Variants in ASAH1 observed in about 807,000 individuals in gnomAD.
ASAH1 encodes the protein N-acylsphingosine amidohydrolase 1.
A neutral mutation model predicts 59.5 loss-of-function variants in ASAH1; 70 were observed. That is an observed-to-expected ratio of 1.18 (90% confidence interval 0.97 to 1.43). The LOEUF is 1.43. Ranked by LOEUF, ASAH1 falls within the 40% of genes most tolerant of loss-of-function variation. The pLI, the probability that ASAH1 is intolerant of heterozygous loss-of-function variation, is 0.00. For missense variants in ASAH1, 660 were observed against 482.5 expected (o/e 1.37, Z -3.45); for synonymous variants, 213 against 166.5 (o/e 1.28, Z -2.15).
chr8:18,061,133 A>G, intron 10 of ASAH1: 1 of 371,160 alleles, frequency 2.7e-6, no homozygotes, highest in Non-Finnish European at 5.0e-6. Flanking sequence ...CACCAAAAAT[A>G]TTCATAGGTG....
chr8:18,069,544 G>A, intron 4 of ASAH1: 3 of 416,334 alleles, frequency 7.2e-6, no homozygotes, highest in Non-Finnish European at 1.3e-5. Context: ...ACTCCCAGAT[G>A]AAATATGGTT....
chr8:18,081,496 A>G (rs1357939935), intron 1 of ASAH1, among the ~76,000 whole-genome samples: 1 of 152,230 alleles, frequency 6.6e-6, no homozygotes, highest in Non-Finnish European at 1.5e-5. Context: ...ATCCTTAATA[A>G]GAGTCTACAG....
chr8:18,062,517 T>C, intron 7 of ASAH1, 94 bp from the exon 8 acceptor site: 2 of 1,360,416 alleles, frequency 1.5e-6, no homozygotes, highest in South Asian at 1.2e-5. Flanking sequence ...AGGAGCTTTA[T>C]TTACCGAGTC....
intron 1 of ASAH1, among the ~76,000 whole-genome samples, chr8:18,080,861 C>T (rs896085017): frequency 5.9e-5 from 9 of 152,028 alleles, no homozygotes; most frequent in Non-Finnish European, 1.5e-5. Flanking sequence ...CCCGGCCTGT[C>T]CTGTTTTAAC....
intron 4 of ASAH1, chr8:18,067,864 T>C (rs976844540): frequency 1.1e-4 from 16 of 152,242 alleles, no homozygotes; most frequent in African/African-American, 3.4e-4. Flanking sequence ...ACATCATATA[T>C]TTATTCTCAA....
At chr8:18,071,683 C>T (rs1224140177) in intron 2 of ASAH1, among the ~76,000 whole-genome samples, 18 of 149,198 alleles carry the variant, frequency 1.2e-4, no homozygotes, top group Admixed American at 1.2e-3. Context: ...ACCTGATTAT[C>T]ACTGACGGGA....
intron 1 of ASAH1, chr8:18,075,808 A>G (rs1800381177): frequency 3.5e-6 from 2 of 576,134 alleles, no homozygotes; most frequent in Non-Finnish European, 6.2e-6. Flanking sequence ...TAAAAGTGCT[A>G]GGTGTTATAA....
intron 5 of ASAH1, 21 bp from the exon 6 acceptor site, chr8:18,064,552 G>C: frequency 7.4e-7 from 1 of 1,353,440 alleles, no homozygotes; most frequent in Non-Finnish European, 1.0e-6. Context: ...AGAAAATTTT[G>C]TGTTAATATA....
At chr8:18,062,186 C>T (rs966995773) in intron 8 of ASAH1, 93 bp downstream of exon 8, 3 of 1,553,112 alleles carry the variant, frequency 1.9e-6, no homozygotes, top group Non-Finnish European at 2.7e-6. Context: ...TTCATATTCC[C>T]TTTAGGTCCT....
At position 18,064,710 on chromosome 8, in the gene ASAH1, G is replaced by C. The variant is rs780013339; in HGVS notation, c.383-179C>G. 1.7e-4 allele frequency: 95 copies of C among 566,872 alleles called. 3 individuals are homozygous for C. Among genetic ancestry groups the C allele is most frequent in the East Asian group, 4.5e-4 (16 of 35,198 alleles). The allele number at this position is 566,872 out of a possible 1,614,324, so 35.1% of individuals were successfully genotyped here. ...CCCAGCCTGGACTCTCTAGACTCAA[G>C]ATGAAACAAGTCACCAAGGAGGCAG... On this transcript the variant is annotated intron_variant, in intron 5 of 13. Coordinates refer to ENST00000637790, the MANE Select transcript of ASAH1 (RefSeq NM_177924.5).
chr8:18,070,426 G>A (rs1440459482), intron 3 of ASAH1, among the ~76,000 whole-genome samples: 1 of 152,074 alleles, frequency 6.6e-6, no homozygotes, highest in Non-Finnish European at 1.5e-5. Flanking sequence ...GGGATTACAG[G>A]CATGAGCCAC....
chr8:18,078,127 C>T (rs1403771299), intron 1 of ASAH1, among the ~76,000 whole-genome samples: 2 of 152,162 alleles, frequency 1.3e-5, no homozygotes, highest in Non-Finnish European at 2.9e-5. Flanking sequence ...TTCTGGTGAT[C>T]ACTAGAATCA....
Position 18,059,700 on chromosome 8 carries a change from A to G in ASAH1, c.789T>C (p.Tyr263=), listed in dbSNP as rs144505639. The change falls in exon 11 of 14, where the codon TAT becomes TAC. Residue 263 remains tyrosine, a synonymous_variant. Transcript: ENST00000637790. The stretch of plus-strand genomic sequence containing the variant: ...TGGTCAATAAATTCTTGGCTTCTTC[A>G]TAACTATATAGAAACATTTAAAAAG... ...TRTVLENSTS[Y]EEAKNLLTKT... The G allele has an allele frequency of 8.9e-5, 144 of 1,613,544 alleles. No homozygotes were observed. The highest frequency in any genetic ancestry group is 1.1e-4 in the Non-Finnish European group (135 of 1,179,684).
chr8:18,067,114 ATATCTAAGACATACAGCACCTG>A, intron 5 of ASAH1, 84 bp downstream of exon 5: 1 of 514,526 alleles, frequency 1.9e-6, no homozygotes, highest in Admixed American at 8.4e-5. Context: ...CCTGTGCTGT[ATATCTAAGACATACAGCACCTG>A]TGCTGTATGT....
chr8:18,067,885 T>C, intron 4 of ASAH1: 1 of 152,238 alleles, frequency 6.6e-6, no homozygotes, highest in South Asian at 2.1e-4. Context: ...TGGCAACTAC[T>C]AACATCCAGA....
intron 4 of ASAH1, among the ~76,000 whole-genome samples, chr8:18,069,238 G>C (rs763255126): frequency 6.6e-6 from 1 of 152,018 alleles, no homozygotes; most frequent in Non-Finnish European, 1.5e-5. Flanking sequence ...CAGTTCTAGG[G>C]GCCAGGCCCT....
chr8:18,064,016 G>GA (rs1235150578), intron 6 of ASAH1: 7 of 242,162 alleles, frequency 2.9e-5, no homozygotes, highest in African/African-American at 1.6e-4. Context: ...AACCAGTCAG[G>GA]AAAAATACGG....
chr8:18,083,808 G>C, intron 1 of ASAH1, 173 bp downstream of exon 1: 1 of 1,349,174 alleles, frequency 7.4e-7, no homozygotes, highest in Non-Finnish European at 9.9e-7. Context: ...ACCGAGGACG[G>C]GGTTCGCCAG....
At chr8:18,081,067 T>C (rs761521164) in intron 1 of ASAH1, among the ~76,000 whole-genome samples, 2 of 152,146 alleles carry the variant, frequency 1.3e-5, no homozygotes, top group South Asian at 2.1e-4. Flanking sequence ...GCTGGATGCC[T>C]CTCTGCCACC....
Sources: gnomAD v4.1 joint callset for allele counts (sites outside exome capture counted in the v4.1 genomes callset) on GRCh38, gnomAD v4.1.1 for gene constraint, MANE v1.5 for transcripts, NCBI Gene and HGNC (gene_info 2026-07-23, HGNC 2026-07-21) for gene names.